EXO1: variants seen among roughly 807,000 people sequenced by gnomAD.
EXO1 encodes the protein exonuclease 1.
A neutral mutation model predicts 84.5 loss-of-function variants in EXO1; 69 were observed. The ratio of observed to expected loss-of-function variants is 0.82; its 90% confidence interval spans 0.67 to 1.00. The LOEUF is 1.00. Among genes scored for constraint, EXO1 ranks in the 50% least tolerant of loss-of-function variants. EXO1 has a pLI of 0.00. For missense variants in EXO1, 1,045 were observed against 1,000.7 expected (o/e 1.04, Z -0.60); for synonymous variants, 373 against 366.1 (o/e 1.02, Z -0.21).
intron 7 of EXO1, 87 bp from the exon 8 acceptor site, chr1:241,858,419 A>C (rs1661185641): frequency 3.6e-6 from 3 of 825,120 alleles, no homozygotes; most frequent in Non-Finnish European, 4.2e-6. Context: ...GTGAAGAACA[A>C]GAAAGATTTC....
At chr1:241,850,279 C>CAAAAA in intron 3 of EXO1, 130 bp from the exon 4 acceptor site, 4 of 518,342 alleles carry the variant, frequency 7.7e-6, no homozygotes, top group Admixed American at 3.3e-5. Context: ...GACTCCGTCT[C>CAAAAA]AAAAAAAAAA....
At chr1:241,875,380 T>G (rs1662332953) in intron 12 of EXO1, among the ~76,000 whole-genome samples, 1 of 152,244 alleles carries the variant, frequency 6.6e-6, no homozygotes, top group Non-Finnish European at 1.5e-5. Context: ...CATGAAAGAA[T>G]GAACCACTGG....
chr1:241,860,245 A>G (rs1236687781), intron 8 of EXO1, among the ~76,000 whole-genome samples: 3 of 152,170 alleles, frequency 2.0e-5, no homozygotes, highest in Non-Finnish European at 4.4e-5. Flanking sequence ...ATGTATCTCA[A>G]AGTTACACCT....
intron 7 of EXO1, among the ~76,000 whole-genome samples, chr1:241,858,181 A>G (rs982296328): frequency 2.4e-4 from 36 of 152,256 alleles, no homozygotes; most frequent in African/African-American, 7.7e-4. Flanking sequence ...GTGACAGAGA[A>G]AGAGAAAATG....
chr1:241,879,120 C>A lies in EXO1; in HGVS notation c.1886C>A (p.Ala629Glu). 1 of 1,612,560 alleles carries A rather than the reference C, an allele frequency of 6.2e-7. No individual in the cohort carries two copies. The highest frequency in any genetic ancestry group is 8.5e-7 in the Non-Finnish European group (1 of 1,178,564). The change falls in exon 13 of 16, where the codon GCA becomes GAA. Residue 629 changes from alanine to glutamate, a missense_variant. Transcript: ENST00000366548. ...ACGCCGAGCCCCTCTCCAAGCACAG[C>A]ATTGCAGCAGTTCCGAAGAAAGAGC... ...SRTPSPSPST[A>E]LQQFRRKSDS...
chr1:241,885,340 T>C lies in EXO1; in HGVS notation c.2238T>C (p.Ser746=), dbSNP rs1662997251. 3 of 1,613,974 alleles carry C rather than the reference T, an allele frequency of 1.9e-6. No homozygotes were observed. The African/African-American group carries it at 4.0e-5, about 22-fold the overall frequency. The change falls in exon 15 of 16, where the codon TCT becomes TCC. Residue 746 remains serine (S), a synonymous_variant. Coordinates refer to ENST00000366548, the MANE Select transcript of EXO1 (RefSeq NM_130398.4). ...TTCCTGGGCTATATAAGTCCAGTTC[T>C]GCAGACTCTCTTTCTACAACCAAGA... is the stretch of plus-strand genomic sequence containing the variant. ...NKVPGLYKSS[S]ADSLSTTKIK...
chr1:241,882,199 G>A (rs954006814), intron 14 of EXO1, among the ~76,000 whole-genome samples, 182 bp downstream of exon 14: 11 of 152,046 alleles, frequency 7.2e-5, no homozygotes, highest in Non-Finnish European at 1.0e-4. Flanking sequence ...ATTTTCTCTT[G>A]CAGTGTATAT....
At chr1:241,886,782 T>TA (rs1050913926) in intron 15 of EXO1, among the ~76,000 whole-genome samples, 3 of 152,104 alleles carry the variant, frequency 2.0e-5, no homozygotes, top group Non-Finnish European at 4.4e-5. Flanking sequence ...ATAGTACATT[T>TA]AAAAAATAAA....
At chr1:241,886,042 G>A (rs1046684711) in intron 15 of EXO1, among the ~76,000 whole-genome samples, 1 of 152,028 alleles carries the variant, frequency 6.6e-6, no homozygotes, top group Admixed American at 6.6e-5. Flanking sequence ...TAATAGACAC[G>A]AGGTTTCTCC....
intron 6 of EXO1, 22 bp from the exon 7 acceptor site, chr1:241,857,323 T>A: frequency 6.2e-7 from 1 of 1,611,822 alleles, no homozygotes; most frequent in Middle Eastern, 1.7e-4. Flanking sequence ...TGCTAGAGAT[T>A]CACTGTGATT....
At chr1:241,889,361 G>C in intron 15 of EXO1, 104 bp from the exon 16 acceptor site, 1 of 989,948 alleles carries the variant, frequency 1.0e-6, no homozygotes, top group Non-Finnish European at 1.6e-6. Context: ...GTACAGTAAA[G>C]GGTCTTATCC....
In EXO1 at chr1:241,869,693, T is replaced by C. The variant is rs1212826876; in HGVS notation, c.1268-2339T>C. 2.0e-5 allele frequency among the ~76,000 whole-genome samples: 3 copies of C among 152,296 alleles called. No individual in the cohort carries two copies. In the East Asian group the frequency reaches 5.8e-4, roughly 29 times the overall value. ...TATGTTATATAAGATAATATATACT[T>C]GTTATATAAGAAGTACAGTGTACAT... On this transcript the variant is annotated intron_variant, in intron 11 of 15. Coordinates refer to ENST00000366548, the MANE Select transcript of EXO1 (RefSeq NM_130398.4).
chr1:241,851,848 CTGAG>C (rs919243133), intron 4 of EXO1, among the ~76,000 whole-genome samples: 7 of 152,106 alleles, frequency 4.6e-5, no homozygotes, highest in African/African-American at 1.4e-4. Context: ...ATAATATAAA[CTGAG>C]TATTAGATAA....
chr1:241,853,135 T>TTGTG (rs139745272), intron 5 of EXO1, among the ~76,000 whole-genome samples: 6,435 of 151,576 alleles, frequency 0.042, 265 homozygotes, highest in African/African-American at 0.1. Flanking sequence ...AATGGTAATC[T>TTGTG]TGTGTGTGTG....
intron 6 of EXO1, chr1:241,854,912 GGTGA>G (rs1660884525): frequency 6.5e-6 from 1 of 153,420 alleles, no homozygotes; most frequent in African/African-American, 2.4e-5. Flanking sequence ...AGACCTTTGC[GGTGA>G]GTGTTACAGC....
rs1355194861 is a variant in EXO1, at chr1:241,860,295, T to TA, written c.757-221dup. Among the ~76,000 whole-genome samples, 24 of 152,006 alleles carry TA rather than the reference T, an allele frequency of 1.6e-4. No homozygotes were observed. In the South Asian group the frequency reaches 3.3e-3, roughly 21 times the overall value. ...GATGTACTATATAACTGTATTTTTT[T>TA]ATCCTTCAAATTAGTAATAGAAAAA... On this transcript the variant is annotated intron_variant, in intron 8 of 15. Transcript: ENST00000366548.
Position 241,857,462 on chromosome 1 carries a change from C to G in EXO1, c.523C>G (p.Leu175Val), listed in dbSNP as rs911176364. The change falls in exon 7 of 16, where the codon CTA (leucine) becomes GTA (valine). Residue 175 changes from leucine to valine, a missense_variant. Transcript: ENST00000366548. ...CATAATTACAGAGGACTCGGATCTC[C>G]TAGCTTTTGGCTGTAAAAAGGTACT... ...QAIITEDSDL[L>V]AFGCKKVILK... is the part of the protein sequence containing the mutation. 1 of 1,613,798 alleles carries G rather than the reference C, an allele frequency of 6.2e-7. No individual in the cohort carries two copies. Among genetic ancestry groups the G allele is most frequent in the African/African-American group, 1.3e-5 (1 of 74,986 alleles).
intron 14 of EXO1, among the ~76,000 whole-genome samples, 157 bp downstream of exon 14, chr1:241,882,174 T>C (rs1662807432): frequency 6.6e-6 from 1 of 152,222 alleles, no homozygotes; most frequent in Non-Finnish European, 1.5e-5. Context: ...TGTAGGTGTT[T>C]AAGTTGTGAA....
chr1:241,883,568 CA>C (rs1662887165), intron 14 of EXO1, among the ~76,000 whole-genome samples: 1 of 152,084 alleles, frequency 6.6e-6, no homozygotes. Flanking sequence ...GAGGGAGACA[CA>C]ACATTCAGTC....
Sources: gnomAD v4.1 joint callset for allele counts (sites outside exome capture counted in the v4.1 genomes callset) on GRCh38, gnomAD v4.1.1 for gene constraint, MANE v1.5 for transcripts, NCBI Gene and HGNC (gene_info 2026-07-23, HGNC 2026-07-21) for gene names.